Variants in ARHGEF11 observed in about 807,000 individuals in gnomAD.
The protein encoded by ARHGEF11 is Rho guanine exchange factor (GEF) 11.
A neutral mutation model predicts 193.7 loss-of-function variants in ARHGEF11; 55 were observed. That is an observed-to-expected ratio of 0.28 (90% CI 0.23 to 0.36). ARHGEF11 has a LOEUF of 0.36. Among genes scored for constraint, ARHGEF11 ranks in the 10% least tolerant of loss-of-function variants. The pLI is 1.00. For synonymous variants in ARHGEF11, 693 were observed against 768.0 expected (o/e 0.90, Z 1.62); for missense variants, 1,723 against 2,005.6 (o/e 0.86, Z 2.69).
chr1:156,959,191 G>C, intron 15 of ARHGEF11, 49 bp from the exon 16 acceptor site: 3 of 1,532,384 alleles, frequency 2.0e-6, no homozygotes, highest in African/African-American at 1.4e-5. Context: ...ACTGGGGGTG[G>C]AGGGGGATCC....
At chr1:156,958,620 T>C in intron 17 of ARHGEF11, 122 bp downstream of exon 17, 2 of 1,431,540 alleles carry the variant, frequency 1.4e-6, no homozygotes, top group South Asian at 1.3e-5. Flanking sequence ...ACTCCCCATC[T>C]TTCAGGGGCA....
intron 1 of ARHGEF11, among the ~76,000 whole-genome samples, chr1:157,019,629 G>A (rs950826610): frequency 6.6e-6 from 1 of 152,172 alleles, no homozygotes; most frequent in Non-Finnish European, 1.5e-5. Flanking sequence ...TCCATGAACA[G>A]GTGAACAGAT....
At chr1:156,980,697 C>G (rs1194666695) in intron 3 of ARHGEF11, among the ~76,000 whole-genome samples, 1 of 152,096 alleles carries the variant, frequency 6.6e-6, no homozygotes, top group African/African-American at 2.4e-5. Flanking sequence ...CCTGCTCTTC[C>G]TTTCACCTAA....
At chr1:156,954,286 A>G (rs1659570120) in intron 21 of ARHGEF11, among the ~76,000 whole-genome samples, 1 of 148,926 alleles carries the variant, frequency 6.7e-6, no homozygotes, top group South Asian at 2.2e-4. Flanking sequence ...AGGCTGAGGC[A>G]CGAGAATCCC....
intron 1 of ARHGEF11, among the ~76,000 whole-genome samples, chr1:157,004,833 C>T (rs1220958226): frequency 1.3e-5 from 2 of 152,086 alleles, no homozygotes; most frequent in East Asian, 1.9e-4. Flanking sequence ...ACCCCCCAAA[C>T]GTAAAAATAA....
chr1:156,951,687 T>C lies in ARHGEF11; in HGVS notation c.1811A>G (p.Asn604Ser), dbSNP rs757106673. Residue 604 changes from asparagine (N) to serine (S), a missense_variant, in exon 22 of 41, where the codon AAT becomes AGT. Physicochemically the swap from Asn to Ser is conservative, Grantham distance 46. Around this residue, in one of 5 missense-constraint regions of ARHGEF11, gnomAD observed 491 missense variants for 654.5 expected, o/e 0.75. Transcript: ENST00000368194. Reference protein sequence around the residue: ...PLSPVEVKPGNVRNIIQHFEN... With the variant: ...PLSPVEVKPGSVRNIIQHFEN... Reference sequence around the variant, plus strand: ...AAAGTGCTGAATGATGTTCCTCACATTGCCTGGTTTGACTAGAAGCAAAAA... The same window carrying C: ...AAAGTGCTGAATGATGTTCCTCACACTGCCTGGTTTGACTAGAAGCAAAAA... The C allele has an allele frequency of 9.9e-6, 16 of 1,613,888 alleles. No individual in the cohort carries two copies. The highest frequency in any genetic ancestry group is 4.0e-5 in the African/African-American group (3 of 74,904).
At chr1:156,971,856 C>T (rs754530119) in intron 7 of ARHGEF11, 40 bp from the exon 8 acceptor site, 1 of 1,591,976 alleles carries the variant, frequency 6.3e-7, no homozygotes, top group Non-Finnish European at 8.6e-7. Context: ...GGGGAAAAGG[C>T]AGAGGGGTGG....
chr1:156,984,553 C>T, intron 2 of ARHGEF11, 116 bp from the exon 3 acceptor site: 1 of 672,684 alleles, frequency 1.5e-6, no homozygotes, highest in Non-Finnish European at 2.6e-6. Flanking sequence ...CCTTTTCACA[C>T]TAAACAAATT....
At chr1:156,949,219 G>A (rs1008479960) in intron 22 of ARHGEF11, 3 of 542,668 alleles carry the variant, frequency 5.5e-6, no homozygotes, top group Non-Finnish European at 7.0e-6. Context: ...TTGGCCTGCC[G>A]TGCTTGGCTA....
intron 1 of ARHGEF11, among the ~76,000 whole-genome samples, chr1:157,016,456 G>T (rs1669243597): frequency 6.6e-6 from 1 of 152,158 alleles, no homozygotes; most frequent in African/African-American, 2.4e-5. Context: ...TTGGCCTCAA[G>T]TGATCCACCT....
Position 156,947,117 on chromosome 1 carries a change from AG to A in ARHGEF11, c.2489-103del. ...AATCTCTGACAGCAGTGCCATGGGA[AG>A]GGTCTGGAAACCATTGTACTTTCGG... On this transcript the variant is annotated intron_variant, in intron 26 of 40. Transcript: ENST00000368194. The A allele has an allele frequency of 2.0e-6, 3 of 1,516,122 alleles. No individual in the cohort carries two copies. In the Admixed American group the frequency reaches 5.1e-5, roughly 26 times the overall value. 93.9% of individuals were successfully genotyped at this position (1,516,122 alleles called of 1,614,324 possible).
intron 15 of ARHGEF11, among the ~76,000 whole-genome samples, chr1:156,959,620 T>C (rs981267547): frequency 6.6e-6 from 1 of 152,188 alleles, no homozygotes; most frequent in Non-Finnish European, 1.5e-5. Flanking sequence ...GGCTAAGTCC[T>C]TGGGAGCTGT....
chr1:156,955,988 TG>T (rs980555639), intron 19 of ARHGEF11, among the ~76,000 whole-genome samples, 189 bp from the exon 20 acceptor site: 4 of 152,212 alleles, frequency 2.6e-5, no homozygotes, highest in African/African-American at 9.6e-5. Flanking sequence ...TGCTCTAGTC[TG>T]GGGGTCCTCA....
intron 4 of ARHGEF11, among the ~76,000 whole-genome samples, chr1:156,979,859 G>A (rs1036094705): frequency 1.3e-5 from 2 of 152,192 alleles, no homozygotes; most frequent in South Asian, 2.1e-4. Flanking sequence ...ACTTATTTTT[G>A]GTATACACTT....
At chr1:156,941,254 T>C (rs750691728) in intron 35 of ARHGEF11, 118 bp downstream of exon 35, 32 of 908,788 alleles carry the variant, frequency 3.5e-5, no homozygotes, top group Non-Finnish European at 5.2e-5. Context: ...CTACTCTTTA[T>C]CAAAACCTCA....
chr1:156,971,166 T>C (rs1662432622), intron 8 of ARHGEF11, among the ~76,000 whole-genome samples: 3 of 152,348 alleles, frequency 2.0e-5, no homozygotes, highest in Admixed American at 2.0e-4. Flanking sequence ...AGAGAATAGA[T>C]AAAGAATCAT....
At chr1:157,013,236 C>T (rs966551220) in intron 1 of ARHGEF11, among the ~76,000 whole-genome samples, 5 of 143,730 alleles carry the variant, frequency 3.5e-5, no homozygotes, top group Non-Finnish European at 7.7e-5. Context: ...GGTCTGTCCC[C>T]AACTGCTCAT....
chr1:156,972,054 G>A (rs1302478628), intron 7 of ARHGEF11, among the ~76,000 whole-genome samples: 1 of 152,176 alleles, frequency 6.6e-6, no homozygotes, highest in Non-Finnish European at 1.5e-5. Context: ...AAACACAAAG[G>A]CCTGTCCTAA....
intron 7 of ARHGEF11, among the ~76,000 whole-genome samples, chr1:156,976,033 C>T (rs1663205693): frequency 6.6e-6 from 1 of 152,134 alleles, no homozygotes; most frequent in South Asian, 2.1e-4. Flanking sequence ...TCATCCATAT[C>T]CTATGGAATC....
Sources: gnomAD v4.1 joint callset for allele counts (sites outside exome capture counted in the v4.1 genomes callset) on GRCh38, gnomAD v4.1.1 for gene constraint, gnomAD v4.1.1 regional missense constraint, MANE v1.5 for transcripts, NCBI Gene and HGNC (gene_info 2026-07-23, HGNC 2026-07-21) for gene names.